MMP17: variants seen among roughly 807,000 people sequenced by gnomAD.
The protein encoded by MMP17 is matrix metalloproteinase-17.
A neutral mutation model predicts 49.1 loss-of-function variants in MMP17; 54 were observed. The ratio of observed to expected loss-of-function variants is 1.10; its 90% CI spans 0.88 to 1.38. MMP17 has a LOEUF of 1.38. Ranked by LOEUF, MMP17 falls within the 40% of genes most tolerant of loss-of-function variation. The pLI, the probability that MMP17 is intolerant of heterozygous loss-of-function variation, is 0.00. For synonymous variants in MMP17, 397 were observed against 383.1 expected, an observed-to-expected ratio of 1.04 and a Z score of -0.42; for missense variants, 837 against 853.7, an observed-to-expected ratio of 0.98 and a Z score of 0.24.
rs373440363 is a variant in MMP17 at position 131,838,596 on chromosome 12, C to T, written c.293-16C>T. On this transcript the variant is annotated splice_polypyrimidine_tract_variant and intron_variant, in intron 2 of 9. Transcript: ENST00000360564. Reference sequence around the variant, plus strand: ...GTGAGCTGGGCTAGGCTCTGAGCTCCATGCTTTCCCTGCAGACGAGGCCAC... The same window carrying T: ...GTGAGCTGGGCTAGGCTCTGAGCTCTATGCTTTCCCTGCAGACGAGGCCAC... 180 of 1,606,280 alleles carry T rather than the reference C, an allele frequency of 1.1e-4. No homozygotes were observed. The highest frequency in any genetic ancestry group is 1.4e-4 in the Non-Finnish European group (170 of 1,176,686).
At position 131,841,735 on chromosome 12, in the gene MMP17, C is replaced by T. The variant is rs897166281; in HGVS notation, c.818C>T (p.Pro273Leu). ...ATCATGCGGCCGTACTACCAGGGCC[C>T]GGTGGGTGACCCGCTGCGCTACGGG... is the stretch of plus-strand genomic sequence containing the variant. ...HSIMRPYYQG[P>L]VGDPLRYGLP... The change falls in exon 5 of 10, where the codon CCG becomes CTG. Residue 273 changes from proline (P) to leucine (L), a missense_variant. Transcript: ENST00000360564. 3.7e-5 allele frequency: 60 copies of T among 1,613,298 alleles called. No homozygotes were observed. Among genetic ancestry groups the T allele is most frequent in the Middle Eastern group, 1.7e-4 (1 of 5,934 alleles).
intron 4 of MMP17, 68 bp downstream of exon 4, chr12:131,840,924 A>G (rs1034922632): frequency 4.1e-6 from 6 of 1,469,080 alleles, no homozygotes; most frequent in African/African-American, 2.8e-5. Flanking sequence ...AGGAGCAGCC[A>G]TGGCCCCCCC....
Position 131,844,073 on chromosome 12 carries a change from C to T in MMP17, c.960C>T (p.Ser320=). ...PLLPEPPDNR[S]SAPPRKDVPH... The stretch of plus-strand genomic sequence containing the variant: ...TGCCGGAGCCCCCAGACAACCGGTC[C>T]AGCGCCCCGTAAGCCCTGGGCCCAC... The change falls in exon 6 of 10, where the codon TCC becomes TCT. Residue 320 remains serine (S), a synonymous_variant. Transcript: ENST00000360564. The T allele has an allele frequency of 1.3e-6, 2 of 1,559,880 alleles. No homozygotes were observed. Among genetic ancestry groups the T allele is most frequent in the Non-Finnish European group, 1.7e-6 (2 of 1,155,328 alleles).
At chr12:131,838,090 G>A in intron 1 of MMP17, 105 bp from the exon 2 acceptor site, 2 of 1,402,022 alleles carry the variant, frequency 1.4e-6, no homozygotes, top group Non-Finnish European at 1.9e-6. Context: ...CAGATAGGGG[G>A]CTGGGAGGGG....
At position 131,850,912 on chromosome 12, in the gene MMP17, C is replaced by G. The variant is rs757331511; in HGVS notation, c.1463-13C>G. On this transcript the variant is annotated splice_polypyrimidine_tract_variant and intron_variant, in intron 9 of 9. Coordinates refer to ENST00000360564, the MANE Select transcript of MMP17 (RefSeq NM_016155.7). ...AGCCCTCCCCTGAGCTCAGCTCTCC[C>G]TCCTCTTCTCAGGTGCCTCCTACTT... is the stretch of plus-strand genomic sequence containing the variant. The G allele has an allele frequency of 6.8e-7, 1 of 1,464,134 alleles. No homozygotes were observed. The highest frequency in any genetic ancestry group is 9.0e-7 in the Non-Finnish European group (1 of 1,105,120). 90.7% of individuals were successfully genotyped at this position (1,464,134 alleles called of 1,614,324 possible).
Position 131,851,280 on chromosome 12 carries a change from A to G in MMP17, c.*6A>G, listed in dbSNP as rs1415352225. The G allele has an allele frequency of 5.7e-6, 8 of 1,400,856 alleles. No homozygotes were observed. The highest frequency in any genetic ancestry group is 7.5e-6 in the Non-Finnish European group (8 of 1,073,606). The allele number at this position is 1,400,856 out of a possible 1,614,324, so 86.8% of individuals were successfully genotyped here. ...CCCAGGCCCTGACGCTATGACACAC[A>G]GCGCGAGCCCATGAGAGGACAGAGG... On this transcript the variant is annotated 3_prime_UTR_variant, in exon 10 of 10. Transcript: ENST00000360564.
At position 131,846,131 on chromosome 12, in the gene MMP17, G is replaced by T. The variant is rs1887692248; in HGVS notation, c.1204+682G>T. Among the ~76,000 whole-genome samples the T allele has an allele frequency of 6.6e-6, 1 of 152,170 alleles. No homozygotes were observed. Among genetic ancestry groups the T allele is most frequent in the African/African-American group, 2.4e-5 (1 of 41,450 alleles). ...GCTGCAGGACAGAGACCCCCATGCT[G>T]GGCTGAAACACCCGGAGTTTCCCTC... On this transcript the variant is annotated intron_variant, in intron 8 of 9. Coordinates refer to ENST00000360564, the MANE Select transcript of MMP17 (RefSeq NM_016155.7). The surrounding 1 kb of genome is among the most constrained non-coding windows in gnomAD (Gnocchi z 4.6).
intron 1 of MMP17, among the ~76,000 whole-genome samples, chr12:131,832,786 C>T (rs1336656756): frequency 6.6e-6 from 1 of 152,100 alleles, no homozygotes; most frequent in Non-Finnish European, 1.5e-5. Flanking sequence ...GGGCTCCACG[C>T]GATCTGGCCC....
intron 1 of MMP17, among the ~76,000 whole-genome samples, chr12:131,832,935 G>A (rs1259303268): frequency 6.6e-6 from 1 of 151,834 alleles, no homozygotes; most frequent in Non-Finnish European, 1.5e-5. Flanking sequence ...CACCTGGACA[G>A]CTCCTTCCGT....
At chr12:131,843,501 C>T (rs898177087) in intron 5 of MMP17, among the ~76,000 whole-genome samples, 1 of 152,174 alleles carries the variant, frequency 6.6e-6, no homozygotes, top group Non-Finnish European at 1.5e-5. Context: ...CTTGCCCTGG[C>T]CTCTGAAAGT....
At chr12:131,843,949 A>C in intron 5 of MMP17, 48 bp from the exon 6 acceptor site, 1 of 1,288,374 alleles carries the variant, frequency 7.8e-7, no homozygotes, top group Non-Finnish European at 1.0e-6. Context: ...ATGTGGGGGG[A>C]GGCGGGCGTC....
intron 1 of MMP17, among the ~76,000 whole-genome samples, chr12:131,837,836 G>C (rs574279950): frequency 6.6e-6 from 1 of 152,058 alleles, no homozygotes; most frequent in Non-Finnish European, 1.5e-5. Context: ...TCAGCCTCCC[G>C]AGTAGCTGGG....
At chr12:131,828,828 C>A (rs1172537318) in intron 1 of MMP17, among the ~76,000 whole-genome samples, 175 bp downstream of exon 1, 2 of 151,944 alleles carry the variant, frequency 1.3e-5, no homozygotes, top group Non-Finnish European at 2.9e-5. Flanking sequence ...GCGGGCTGAG[C>A]GACCGGGCGA....
intron 8 of MMP17, among the ~76,000 whole-genome samples, chr12:131,848,564 TGCCCCGCCCCGCCCCTGGGCA>T (rs898892153): frequency 1.4e-4 from 21 of 152,292 alleles, no homozygotes; most frequent in African/African-American, 4.6e-4. Context: ...GAAACACGGA[TGCCCCGCCCCGCCCCTGGGCA>T]GCCCCGCCCC....
intron 9 of MMP17, 60 bp from the exon 10 acceptor site, chr12:131,850,865 C>T (rs1887936075): frequency 1.1e-5 from 14 of 1,316,202 alleles, no homozygotes; most frequent in South Asian, 3.6e-5. Flanking sequence ...CCTCGCTGTC[C>T]GGCTCGAGCC....
Position 131,849,946 on chromosome 12 carries a change from T to A in MMP17, c.1349T>A (p.Leu450Gln), listed in dbSNP as rs530441970. 1.2e-5 allele frequency: 20 copies of A among 1,614,012 alleles called. No homozygotes were observed. The highest frequency in any genetic ancestry group is 8.3e-5 in the Admixed American group (5 of 60,020). Residue 450 changes from leucine to glutamine, a missense_variant, in exon 9 of 10, where the codon CTG becomes CAG. Transcript: ENST00000360564. ...NDRTYFFKDQ[L>Q]YWRYDDHTRH... ...AGGACTTATTTCTTTAAGGACCAGCTGTACTGGCGCTACGATGACCACACG... is the reference window on the plus strand; with the variant it reads ...AGGACTTATTTCTTTAAGGACCAGCAGTACTGGCGCTACGATGACCACACG...
Position 131,835,196 on chromosome 12 carries a change from GCCCTGCCCCACAGACCCACCAC to G in MMP17, c.160-2995_160-2974del, listed in dbSNP as rs1260635499. On this transcript the variant is annotated intron_variant, in intron 1 of 9. Coordinates refer to ENST00000360564, the MANE Select transcript of MMP17 (RefSeq NM_016155.7). ...CGTGTTAGGTAGGAGGCACCCACCA[GCCCTGCCCCACAGACCCACCAC>G]CCCCCAAGATTCGATGCCATTCTAT... Among the ~76,000 whole-genome samples the G allele has an allele frequency of 3.9e-5, 6 of 152,302 alleles. No individual in the cohort carries two copies. The East Asian group carries it at 1.2e-3, about 29-fold the overall frequency.
At chr12:131,840,310 C>G in intron 3 of MMP17, 1 of 457,014 alleles carries the variant, frequency 2.2e-6, no homozygotes, top group Non-Finnish European at 3.9e-6. Flanking sequence ...GCTGATGGCT[C>G]CACGCGGGAG....
chr12:131,838,848 A>G (rs1264613430), intron 3 of MMP17, 107 bp downstream of exon 3: 2 of 1,285,234 alleles, frequency 1.6e-6, no homozygotes, highest in African/African-American at 1.6e-5. Flanking sequence ...AGGGTGGGGA[A>G]CGGGGTCTCC....
Sources: allele counts gnomAD v4.1 joint callset (sites outside exome capture counted in the v4.1 genomes callset), GRCh38; gene constraint gnomAD v4.1.1; non-coding constraint Gnocchi (gnomAD v3.1); transcripts MANE v1.5; gene names NCBI Gene and HGNC (gene_info 2026-07-23, HGNC 2026-07-21).